The following DHRSX variants were observed in gnomAD, a reference collection of about 807,000 sequenced individuals.
The protein encoded by DHRSX is polyprenol dehydrogenase.
DHRSX carries 31 observed loss-of-function variants against 34.0 expected under a neutral mutation model. The ratio of observed to expected loss-of-function variants is 0.91; its 90% CI spans 0.69 to 1.23. The LOEUF is 1.23. Ranked by LOEUF, DHRSX falls within the 50% of genes most tolerant of loss-of-function variation. DHRSX has a pLI of 0.00. For missense variants in DHRSX, 414 were observed against 428.1 expected (o/e 0.97, Z 0.29); for synonymous variants, 201 against 183.8 (o/e 1.09, Z -0.76).
At chrX:2,472,234 A>G (rs2124009904) in intron 1 of DHRSX, among the ~76,000 whole-genome samples, 1 of 152,198 alleles carries the variant, frequency 6.6e-6, no homozygotes, top group South Asian at 2.1e-4. Context: ...CAGGAACAGA[A>G]AACCAAATAC....
At chrX:2,478,234 G>A (rs1677977211) in intron 1 of DHRSX, among the ~76,000 whole-genome samples, 1 of 152,212 alleles carries the variant, frequency 6.6e-6, no homozygotes, top group Non-Finnish European at 1.5e-5. Flanking sequence ...GAGGTGCAGA[G>A]AGGAGCAGGC....
intron 1 of DHRSX, among the ~76,000 whole-genome samples, chrX:2,493,235 C>T (rs888551104): frequency 3.9e-5 from 6 of 152,166 alleles, no homozygotes; most frequent in Non-Finnish European, 8.8e-5. Flanking sequence ...CTGGATTACA[C>T]AGTCAACGGA....
At chrX:2,377,805 C>T (rs1447627532) in intron 3 of DHRSX, among the ~76,000 whole-genome samples, 1 of 150,264 alleles carries the variant, frequency 6.7e-6, no homozygotes, top group Admixed American at 6.6e-5. Flanking sequence ...GTGGCATGAT[C>T]TCAGCTCACT....
chrX:2,467,283 A>G (rs1465177203), intron 1 of DHRSX, among the ~76,000 whole-genome samples: 2 of 152,084 alleles, frequency 1.3e-5, no homozygotes, highest in African/African-American at 4.8e-5. Flanking sequence ...CCGAGACCTA[A>G]TAAGACATCT....
In DHRSX at chrX:2,247,632, T is replaced by C. The variant is rs1162033020; in HGVS notation, c.597-4402A>G. Among the ~76,000 whole-genome samples the C allele has an allele frequency of 2.3e-5, 3 of 130,590 alleles. No homozygotes were observed. In the South Asian group the frequency reaches 7.1e-4, roughly 31 times the overall value. 85.7% of individuals were successfully genotyped at this position (130,590 alleles called of 152,430 possible). ...TTGCGCCACTGCACTCCAGCCTTGG[T>C]GATAGAGTGAAACTCCGTCTCACAA... On this transcript the variant is annotated intron_variant, in intron 5 of 6. Coordinates refer to ENST00000334651, the MANE Select transcript of DHRSX (RefSeq NM_145177.3).
intron 3 of DHRSX, among the ~76,000 whole-genome samples, chrX:2,372,902 G>A (rs1194825899): frequency 1.3e-5 from 2 of 152,156 alleles, no homozygotes; most frequent in Admixed American, 6.5e-5. Context: ...GTCAGCCACC[G>A]CGCCTGGCTG....
At chrX:2,265,583 C>A (rs760105896) in intron 5 of DHRSX, among the ~76,000 whole-genome samples, 21 of 126,796 alleles carry the variant, frequency 1.7e-4, no homozygotes, top group African/African-American at 4.2e-4. Context: ...GGAGCACTGT[C>A]CCCAGAGCAC....
At chrX:2,274,092 C>A (rs1195479906) in intron 4 of DHRSX, among the ~76,000 whole-genome samples, 1 of 152,062 alleles carries the variant, frequency 6.6e-6, no homozygotes, top group Non-Finnish European at 1.5e-5. Flanking sequence ...GACTGGAGTG[C>A]AGTGTTGTGA....
At chrX:2,283,344 G>C (rs1013683427) in intron 4 of DHRSX, among the ~76,000 whole-genome samples, 35 of 151,990 alleles carry the variant, frequency 2.3e-4, no homozygotes, top group African/African-American at 7.5e-4. Context: ...AAACCACTAC[G>C]GAACAGAAAG....
intron 3 of DHRSX, among the ~76,000 whole-genome samples, chrX:2,313,919 C>CTATAG (rs1475249821): frequency 6.6e-6 from 1 of 151,866 alleles, no homozygotes; most frequent in Non-Finnish European, 1.5e-5. Flanking sequence ...GGCTGCCAGG[C>CTATAG]TATAGGTAAG....
rs761239560 is a variant in DHRSX at position 2,368,242 on chromosome X, C to CAA, written c.286+40501_286+40502dup. Among the ~76,000 whole-genome samples the CAA allele has an allele frequency of 4.0e-3, 477 of 118,340 alleles. 4 individuals carry two copies. Among genetic ancestry groups the CAA allele is most frequent in the African/African-American group, 0.014 (432 of 31,812 alleles). 77.6% of individuals were successfully genotyped at this position (118,340 alleles called of 152,430 possible). Reference sequence around the variant, plus strand: ...TGGGCAACAGAATAAGACTCTGTCTCAAAAAAAAAAAAAAGAAAAAAGGTC... The same window carrying CAA: ...TGGGCAACAGAATAAGACTCTGTCTCAAAAAAAAAAAAAAAAGAAAAAAGGTC... On this transcript the variant is annotated intron_variant, in intron 3 of 6. Transcript: ENST00000334651.
intron 4 of DHRSX, among the ~76,000 whole-genome samples, chrX:2,269,843 T>G (rs1032009371): frequency 1.6e-4 from 24 of 152,096 alleles, no homozygotes; most frequent in Non-Finnish European, 2.9e-4. Flanking sequence ...CCCGGCCGTG[T>G]GTGTATTTTA....
At chrX:2,491,578 C>G (rs2045146928) in intron 1 of DHRSX, among the ~76,000 whole-genome samples, 6 of 152,316 alleles carry the variant, frequency 3.9e-5, no homozygotes, top group Admixed American at 3.9e-4. Flanking sequence ...ATTAAAGAAG[C>G]CAAACAGGAC....
chrX:2,377,134 T>C (rs1453205925), intron 3 of DHRSX, among the ~76,000 whole-genome samples: 1 of 151,902 alleles, frequency 6.6e-6, no homozygotes, highest in Non-Finnish European at 1.5e-5. Context: ...TGGAACACAA[T>C]TTTTCCACAC....
At chrX:2,361,608 T>C (rs1035306516) in intron 3 of DHRSX, among the ~76,000 whole-genome samples, 2 of 152,120 alleles carry the variant, frequency 1.3e-5, no homozygotes, top group Admixed American at 6.6e-5. Flanking sequence ...TCTGCCCAAG[T>C]ATTAGAGGGA....
chrX:2,316,067 G>A (rs2042238491), intron 3 of DHRSX, among the ~76,000 whole-genome samples: 1 of 152,090 alleles, frequency 6.6e-6, no homozygotes, highest in Admixed American at 6.6e-5. Context: ...TCTCCTTGTT[G>A]GAAAGAGTGG....
chrX:2,437,028 C>T (rs749815018), intron 1 of DHRSX, among the ~76,000 whole-genome samples: 66 of 151,918 alleles, frequency 4.3e-4, no homozygotes, highest in African/African-American at 1.4e-3. Context: ...GACCGAGTCT[C>T]GCTCTGTTGC....
chrX:2,258,905 A>G (rs1787214953), intron 5 of DHRSX, among the ~76,000 whole-genome samples: 1 of 152,122 alleles, frequency 6.6e-6, no homozygotes, highest in Admixed American at 6.6e-5. Context: ...TTCATTTTAC[A>G]TAATCAAACT....
intron 3 of DHRSX, among the ~76,000 whole-genome samples, chrX:2,363,885 G>A (rs1243829573): frequency 6.6e-6 from 1 of 151,932 alleles, no homozygotes; most frequent in East Asian, 1.9e-4. Context: ...TGTGGGAGAA[G>A]AATCCCCGCC....
Sources: gnomAD v4.1 joint callset for allele counts (sites outside exome capture counted in the v4.1 genomes callset) on GRCh38, gnomAD v4.1.1 for gene constraint, MANE v1.5 for transcripts, NCBI Gene and HGNC (gene_info 2026-07-23, HGNC 2026-07-21) for gene names.